TBC1D31: variants seen among roughly 807,000 people sequenced by gnomAD.
TBC1D31 encodes TBC1 domain family member 31, also known as WD repeat domain 67.
TBC1D31 carries 99 observed loss-of-function variants against 132.9 expected under a neutral mutation model. The observed-to-expected ratio is 0.74, with a 90% CI of 0.63 to 0.88. The LOEUF is 0.88. TBC1D31 is among the 40% of genes least tolerant of loss of function. The pLI is 0.00. For synonymous variants in TBC1D31, 385 were observed against 419.4 expected, an observed-to-expected ratio of 0.92 and a Z score of 1.00; for missense variants, 1,134 against 1,256.6, an observed-to-expected ratio of 0.90 and a Z score of 1.48.
downstream of TBC1D31, among the ~76,000 whole-genome samples, chr8:123,154,818 C>T (rs1462052111): frequency 2.0e-5 from 3 of 152,166 alleles, no homozygotes; most frequent in Admixed American, 6.5e-5. Context: ...TAGATGTCCC[C>T]CATGCACACG....
chr8:123,128,071 A>T (rs1282283270), intron 13 of TBC1D31: 7 of 367,450 alleles, frequency 1.9e-5, no homozygotes, highest in Non-Finnish European at 3.3e-5. Flanking sequence ...TTTTAATTTT[A>T]TGTCAGAATT....
chr8:123,109,813 G>A (rs1169851159), intron 10 of TBC1D31, among the ~76,000 whole-genome samples, 193 bp downstream of exon 10: 1 of 152,154 alleles, frequency 6.6e-6, no homozygotes, highest in Non-Finnish European at 1.5e-5. Flanking sequence ...TAGAAAATAG[G>A]ACTCTTTCAG....
intron 8 of TBC1D31, among the ~76,000 whole-genome samples, chr8:123,107,553 A>G (rs965015714): frequency 6.6e-6 from 1 of 152,226 alleles, no homozygotes; most frequent in African/African-American, 2.4e-5. Flanking sequence ...CTCCTATTTA[A>G]TGAATGCTTT....
At chr8:123,138,975 A>G (rs1292067458) in intron 17 of TBC1D31, among the ~76,000 whole-genome samples, 2 of 151,934 alleles carry the variant, frequency 1.3e-5, no homozygotes, top group Non-Finnish European at 1.5e-5. Flanking sequence ...ACACCCTGCT[A>G]ATTTTTGTAG....
chr8:123,081,283 C>T (rs1251767726), intron 2 of TBC1D31, among the ~76,000 whole-genome samples: 2 of 152,094 alleles, frequency 1.3e-5, no homozygotes, highest in Non-Finnish European at 2.9e-5. Context: ...GTACTCTTTT[C>T]GATAATCACA....
rs779046214 is a variant in TBC1D31, at chr8:123,120,007, ATAT to A, written c.1437-43_1437-41del. On this transcript the variant is annotated intron_variant, in intron 10 of 21. Coordinates refer to ENST00000287380, the MANE Select transcript of TBC1D31 (RefSeq NM_145647.4). ...TGTATCAAATTTTTATCATGTGAAG[ATAT>A]TATTTATTCAAATAAATTTTAATGC... 4 of 1,437,630 alleles carry A rather than the reference ATAT, an allele frequency of 2.8e-6. No individual in the cohort carries two copies. In the African/African-American group the frequency reaches 5.8e-5, roughly 21 times the overall value. The allele number at this position is 1,437,630 out of a possible 1,614,324, so 89.1% of individuals were successfully genotyped here.
intron 10 of TBC1D31, among the ~76,000 whole-genome samples, chr8:123,112,523 A>C (rs978083924): frequency 2.0e-5 from 3 of 152,202 alleles, no homozygotes; most frequent in African/African-American, 7.2e-5. Flanking sequence ...TTTTAAATTT[A>C]ACAACGTATT....
At chr8:123,143,503 A>G (rs1821902961) in intron 19 of TBC1D31, among the ~76,000 whole-genome samples, 1 of 152,178 alleles carries the variant, frequency 6.6e-6, no homozygotes, top group Non-Finnish European at 1.5e-5. Flanking sequence ...CGCAGGTACC[A>G]TAGACTTTCC....
intron 4 of TBC1D31, among the ~76,000 whole-genome samples, chr8:123,090,709 G>A (rs62521769): frequency 0.09 from 13,734 of 152,222 alleles, 834 homozygotes; most frequent in Non-Finnish European, 0.13. Flanking sequence ...AAGGCAGGCG[G>A]ATCACTTGAG....
downstream of TBC1D31, among the ~76,000 whole-genome samples, chr8:123,155,031 C>G (rs1196283875): frequency 6.6e-6 from 1 of 152,186 alleles, no homozygotes; most frequent in African/African-American, 2.4e-5. This position sits in a 1 kb window ranked among gnomAD's most constrained non-coding sequence, Gnocchi z 4.1. Flanking sequence ...CACGCTTATA[C>G]CATTGAAAGT....
chr8:123,076,121 A>G (rs1370791504), intron 1 of TBC1D31, among the ~76,000 whole-genome samples: 1 of 151,772 alleles, frequency 6.6e-6, no homozygotes, highest in East Asian at 1.9e-4. Context: ...TCCTTTGGAG[A>G]CAGGGTCTTA....
At chr8:123,121,278 C>T (rs13252935) in intron 11 of TBC1D31, among the ~76,000 whole-genome samples, 24,065 of 152,108 alleles carry the variant, frequency 0.16, 2,060 homozygotes, top group Admixed American at 0.23. Context: ...TTAAAAGTAA[C>T]AATGTTGTAA....
intron 13 of TBC1D31, 70 bp from the exon 14 acceptor site, chr8:123,128,211 C>T: frequency 5.1e-6 from 4 of 778,292 alleles, no homozygotes; most frequent in Admixed American, 5.1e-5. Context: ...TTTTTAAATT[C>T]TTGTTTTAAT....
chr8:123,162,863 C>T, the TBC1D31 span, among the ~76,000 whole-genome samples: 1 of 151,976 alleles, frequency 6.6e-6, no homozygotes, highest in African/African-American at 2.4e-5. Flanking sequence ...GATGGCGTCT[C>T]ACTCTGTTGC....
chr8:123,158,642 A>C, the TBC1D31 span, among the ~76,000 whole-genome samples: 1 of 152,196 alleles, frequency 6.6e-6, no homozygotes, highest in Non-Finnish European at 1.5e-5. Context: ...TTAATCACCT[A>C]GAATTTGAGA....
intron 6 of TBC1D31, among the ~76,000 whole-genome samples, chr8:123,100,142 A>T (rs114272575): frequency 1.3e-5 from 2 of 152,058 alleles, no homozygotes; most frequent in Non-Finnish European, 2.9e-5. Flanking sequence ...TGTATATGTC[A>T]TCAGTGGGCA....
At chr8:123,131,833 C>G (rs959368215) in intron 16 of TBC1D31, among the ~76,000 whole-genome samples, 5 of 152,078 alleles carry the variant, frequency 3.3e-5, no homozygotes, top group African/African-American at 1.2e-4. Flanking sequence ...TAATATTTGC[C>G]AAGCAGATAG....
At chr8:123,149,102 T>C (rs1822534810) in intron 20 of TBC1D31, among the ~76,000 whole-genome samples, 1 of 152,188 alleles carries the variant, frequency 6.6e-6, no homozygotes, top group Non-Finnish European at 1.5e-5. Flanking sequence ...TTTTCTTTTC[T>C]GTTTTTCTTT....
intron 15 of TBC1D31, 150 bp downstream of exon 15, chr8:123,129,368 A>T (rs563148477): frequency 1.2e-5 from 6 of 518,536 alleles, no homozygotes; most frequent in African/African-American, 9.8e-5. Flanking sequence ...GTTAATAAAA[A>T]GAATCTTTAT....
Sources: allele counts gnomAD v4.1 joint callset (sites outside exome capture counted in the v4.1 genomes callset), GRCh38; gene constraint gnomAD v4.1.1; non-coding constraint Gnocchi (gnomAD v3.1); transcripts MANE v1.5; gene names NCBI Gene and HGNC (gene_info 2026-07-23, HGNC 2026-07-21).